PHACTR3: variants seen among roughly 807,000 people sequenced by gnomAD.
PHACTR3 encodes the protein protein phosphatase 1, regulatory subunit 123.
In PHACTR3, 16 loss-of-function variants were observed where a neutral mutation model predicts 66.8. The observed-to-expected ratio is 0.24, with a 90% CI of 0.16 to 0.36. The LOEUF (loss-of-function observed/expected upper bound fraction) is 0.36, where lower values mean the gene tolerates loss of function less well. PHACTR3 is among the 10% of genes least tolerant of loss of function. The pLI is 1.00. For missense variants in PHACTR3, 647 were observed against 719.9 expected (o/e 0.90, Z 1.16); for synonymous variants, 323 against 292.1 (o/e 1.11, Z -1.08).
At chr20:59,763,190 T>C (rs1237423196) in intron 4 of PHACTR3, among the ~76,000 whole-genome samples, 1 of 152,184 alleles carries the variant, frequency 6.6e-6, no homozygotes. Context: ...TATAAGAGAC[T>C]CTTCCCCCTT....
At chr20:59,584,240 G>A (rs1600862860) in intron 1 of PHACTR3, among the ~76,000 whole-genome samples, 1 of 152,226 alleles carries the variant, frequency 6.6e-6, no homozygotes. Flanking sequence ...GCCTGTGTGT[G>A]CCTGATTGTG....
chr20:59,582,233 T>C (rs1245339114), intron 1 of PHACTR3, among the ~76,000 whole-genome samples: 2 of 152,210 alleles, frequency 1.3e-5, no homozygotes, highest in Non-Finnish European at 2.9e-5. Context: ...CACACAGCAC[T>C]TCTCGCTGTG....
intron 1 of PHACTR3, among the ~76,000 whole-genome samples, chr20:59,666,176 C>T (rs543699056): frequency 6.6e-6 from 1 of 152,238 alleles, no homozygotes; most frequent in African/African-American, 2.4e-5. Context: ...CAGAGATGGA[C>T]ATCAATATGC....
At chr20:59,840,962 A>G (rs933937592) in intron 10 of PHACTR3, among the ~76,000 whole-genome samples, 1 of 152,230 alleles carries the variant, frequency 6.6e-6, no homozygotes, top group Non-Finnish European at 1.5e-5. Context: ...TCTAAATTCA[A>G]GTGTTCTGGA....
intron 7 of PHACTR3, among the ~76,000 whole-genome samples, chr20:59,779,817 A>G (rs2040663157): frequency 6.6e-6 from 1 of 152,250 alleles, no homozygotes; most frequent in African/African-American, 2.4e-5. Flanking sequence ...AGGCTTGCAC[A>G]TGGGGTGCCT....
At chr20:59,808,684 C>T (rs1372357750) in intron 8 of PHACTR3, among the ~76,000 whole-genome samples, 1 of 152,216 alleles carries the variant, frequency 6.6e-6, no homozygotes, top group Non-Finnish European at 1.5e-5. Context: ...ACTGGAGACC[C>T]TGGGAAAATG....
At chr20:59,589,891 G>A (rs984269900) in intron 1 of PHACTR3, among the ~76,000 whole-genome samples, 2 of 152,236 alleles carry the variant, frequency 1.3e-5, no homozygotes, top group African/African-American at 4.8e-5. Flanking sequence ...AACGATCCAA[G>A]TATTTCATGA....
At chr20:59,743,383 G>A (rs1186430775) in intron 2 of PHACTR3, 115 bp downstream of exon 2, 8 of 1,325,424 alleles carry the variant, frequency 6.0e-6, no homozygotes, top group Non-Finnish European at 8.3e-6. Flanking sequence ...AGGGGCAGAT[G>A]TGCTTCATGG....
At chr20:59,778,934 A>C (rs2040630032) in intron 7 of PHACTR3, among the ~76,000 whole-genome samples, 1 of 152,152 alleles carries the variant, frequency 6.6e-6, no homozygotes, top group Non-Finnish European at 1.5e-5. Flanking sequence ...TCATTCTGGA[A>C]ACTGCTGTCG....
intron 1 of PHACTR3, among the ~76,000 whole-genome samples, chr20:59,662,724 G>A (rs1464470670): frequency 2.0e-5 from 3 of 152,128 alleles, no homozygotes; most frequent in Non-Finnish European, 4.4e-5. Context: ...AGGGCACGGT[G>A]GCCGTTTCTG....
In PHACTR3 at chr20:59,784,047, T is replaced by A. The variant is rs1030198718; in HGVS notation, c.1174+9557T>A. On this transcript the variant is annotated intron_variant, in intron 7 of 12. Transcript: ENST00000371015. ...ATTGAAATGCTAGTCTGCATGTTGC[T>A]GTGAAGGTATTTTGTAGATGTGGTT... Among the ~76,000 whole-genome samples, 12 of 152,322 alleles carry A rather than the reference T, an allele frequency of 7.9e-5. No individual in the cohort carries two copies. The South Asian group carries it at 2.3e-3, about 29-fold the overall frequency.
chr20:59,620,370 C>A lies in PHACTR3; in HGVS notation c.118+15238C>A, dbSNP rs969346557. Among the ~76,000 whole-genome samples, 3 of 152,250 alleles carry A rather than the reference C, an allele frequency of 2.0e-5. No individual in the cohort carries two copies. The South Asian group carries it at 6.2e-4, about 32-fold the overall frequency. On this transcript the variant is annotated intron_variant, in intron 1 of 12. Transcript: ENST00000371015. ...CTACCAACCTTATCTGAATTGAGTC[C>A]ATTTTTCTGCTAACATGCTTTTCTA...
At chr20:59,803,271 C>G (rs1247078000) in intron 7 of PHACTR3, among the ~76,000 whole-genome samples, 1 of 152,158 alleles carries the variant, frequency 6.6e-6, no homozygotes, top group African/African-American at 2.4e-5. Context: ...ATAAACATTC[C>G]TTGTTTTGCT....
chr20:59,697,041 C>T (rs1018186666), intron 1 of PHACTR3, among the ~76,000 whole-genome samples: 2 of 152,108 alleles, frequency 1.3e-5, no homozygotes, highest in African/African-American at 4.8e-5. Context: ...GGCTGTGAAA[C>T]AGAATGAAAT....
At chr20:59,804,553 C>G (rs1464559403) in intron 7 of PHACTR3, among the ~76,000 whole-genome samples, 2 of 152,194 alleles carry the variant, frequency 1.3e-5, no homozygotes, top group Admixed American at 1.3e-4. Context: ...ATGTCACCGT[C>G]GCATTCAGTC....
chr20:59,763,120 G>T (rs1049354198), intron 4 of PHACTR3, among the ~76,000 whole-genome samples: 1 of 152,166 alleles, frequency 6.6e-6, no homozygotes, highest in Non-Finnish European at 1.5e-5. Flanking sequence ...TGAATCACAG[G>T]GGGGCAGTTT....
chr20:59,699,956 G>A (rs2037437376), intron 1 of PHACTR3, among the ~76,000 whole-genome samples: 1 of 152,160 alleles, frequency 6.6e-6, no homozygotes, highest in Non-Finnish European at 1.5e-5. Flanking sequence ...GCAAAACTCC[G>A]TCAAGGAAAA....
At chr20:59,703,837 AGT>A (rs948830303) in intron 1 of PHACTR3, among the ~76,000 whole-genome samples, 167 of 152,204 alleles carry the variant, frequency 1.1e-3, no homozygotes, top group African/African-American at 3.8e-3. Context: ...ATGAAAGTTA[AGT>A]GTGTGTGTGT....
intron 1 of PHACTR3, among the ~76,000 whole-genome samples, chr20:59,653,133 G>A (rs1197289927): frequency 6.6e-6 from 1 of 151,658 alleles, no homozygotes; most frequent in Admixed American, 6.6e-5. Flanking sequence ...AAGACAGATG[G>A]AAATAATTGA....
Sources: allele counts gnomAD v4.1 joint callset (sites outside exome capture counted in the v4.1 genomes callset), GRCh38; gene constraint gnomAD v4.1.1; transcripts MANE v1.5; gene names NCBI Gene and HGNC (gene_info 2026-07-23, HGNC 2026-07-21).